COX16: variants seen among roughly 807,000 people sequenced by gnomAD.
COX16 encodes cytochrome c oxidase assembly factor COX16.
In COX16, 12 loss-of-function variants were observed where a neutral mutation model predicts 15.4. The ratio of observed to expected loss-of-function variants is 0.78; its 90% CI spans 0.50 to 1.26. COX16 has a LOEUF of 1.26. Among genes scored for constraint, COX16 ranks in the 50% most tolerant of loss-of-function variants. COX16 has a pLI of 0.00. For synonymous variants in COX16, 46 were observed against 41.1 expected (o/e 1.12, Z -0.46); for missense variants, 124 against 127.6 (o/e 0.97, Z 0.14).
At chr14:70,341,903 G>A (rs746133199) in intron 2 of COX16, among the ~76,000 whole-genome samples, 2 of 152,038 alleles carry the variant, frequency 1.3e-5, no homozygotes, top group Admixed American at 6.6e-5. Flanking sequence ...CTACTACAAA[G>A]TAGATACTAT....
intron 1 of COX16, among the ~76,000 whole-genome samples, chr14:70,349,910 T>C (rs544381116): frequency 3.9e-5 from 6 of 152,222 alleles, no homozygotes; most frequent in African/African-American, 1.2e-4. Flanking sequence ...CACAGATGTG[T>C]TTCCAGACAA....
intron 3 of COX16, 117 bp downstream of exon 3, chr14:70,329,057 G>T: frequency 2.8e-6 from 2 of 702,612 alleles, no homozygotes; most frequent in African/African-American, 2.1e-5. Flanking sequence ...AATGATTATA[G>T]TTTATCAAAT....
chr14:70,331,910 C>T (rs1349712629), intron 2 of COX16, among the ~76,000 whole-genome samples: 1 of 152,184 alleles, frequency 6.6e-6, no homozygotes, highest in Non-Finnish European at 1.5e-5. Flanking sequence ...AAAAGTCTTG[C>T]TGCAGGAACC....
intron 2 of COX16, among the ~76,000 whole-genome samples, chr14:70,332,904 C>A (rs1463882922): frequency 6.6e-6 from 1 of 152,230 alleles, no homozygotes; most frequent in Admixed American, 6.5e-5. Flanking sequence ...AGCATTCCCA[C>A]ACAGCCCCAG....
intron 1 of COX16, among the ~76,000 whole-genome samples, chr14:70,348,692 G>C (rs1886854749): frequency 6.6e-6 from 1 of 152,072 alleles, no homozygotes; most frequent in Non-Finnish European, 1.5e-5. Context: ...CATATATTCA[G>C]ATTCTCATTA....
chr14:70,327,302 T>G (rs1307989768), intron 3 of COX16, among the ~76,000 whole-genome samples: 1 of 151,964 alleles, frequency 6.6e-6, no homozygotes, highest in African/African-American at 2.4e-5. Context: ...CACCTGGGCA[T>G]TAACTCTCTC....
chr14:70,337,598 A>G (rs1566599861), intron 2 of COX16, among the ~76,000 whole-genome samples: 1 of 152,122 alleles, frequency 6.6e-6, no homozygotes, highest in Non-Finnish European at 1.5e-5. Flanking sequence ...ATAGAATCAT[A>G]TAACTGAAAA....
At chr14:70,350,106 C>A (rs935888078) in intron 1 of COX16, among the ~76,000 whole-genome samples, 2 of 152,148 alleles carry the variant, frequency 1.3e-5, no homozygotes, top group African/African-American at 4.8e-5. Context: ...GTAAGATTCT[C>A]CCCGGGGCCT....
intron 2 of COX16, among the ~76,000 whole-genome samples, chr14:70,335,537 G>A (rs1172103067): frequency 6.7e-6 from 1 of 149,954 alleles, no homozygotes; most frequent in Non-Finnish European, 1.5e-5. Flanking sequence ...TCAATAACAA[G>A]AGGAGCTTTG....
Position 70,326,310 on chromosome 14 carries a change from A to G in COX16, c.*23T>C. ...TAATATTTTTATTTAAAAAAAAAAAAAAGGAAAAAAGAATCAGCAGAGTCA... is the reference window on the plus strand; with the variant it reads ...TAATATTTTTATTTAAAAAAAAAAAGAAGGAAAAAAGAATCAGCAGAGTCA... On this transcript the variant is annotated 3_prime_UTR_variant, in exon 4 of 4. Transcript: ENST00000389912. 6.9e-7 allele frequency: 1 copy of G among 1,451,030 alleles called. No homozygotes were observed. Among genetic ancestry groups the G allele is most frequent in the Non-Finnish European group, 9.1e-7 (1 of 1,101,840 alleles). The allele number at this position is 1,451,030 out of a possible 1,614,324, so 89.9% of individuals were successfully genotyped here.
chr14:70,326,627 T>G (rs1365612902), intron 3 of COX16, among the ~76,000 whole-genome samples, 178 bp from the exon 4 acceptor site: 1 of 151,980 alleles, frequency 6.6e-6, no homozygotes, highest in Non-Finnish European at 1.5e-5. Context: ...GATTTAGAAC[T>G]TTTCATTTGT....
At chr14:70,348,981 C>T (rs747256432) in intron 1 of COX16, among the ~76,000 whole-genome samples, 6 of 152,162 alleles carry the variant, frequency 3.9e-5, no homozygotes, top group Non-Finnish European at 7.4e-5. Context: ...CCTCTTTACT[C>T]CTCAGAAGAA....
intron 1 of COX16, among the ~76,000 whole-genome samples, chr14:70,348,413 C>A (rs1389982824): frequency 6.6e-6 from 1 of 152,178 alleles, no homozygotes; most frequent in Non-Finnish European, 1.5e-5. Flanking sequence ...CGCCCAATAC[C>A]CTACACACTT....
intron 3 of COX16, among the ~76,000 whole-genome samples, chr14:70,328,735 AAATT>A (rs1380105283): frequency 6.6e-6 from 1 of 152,222 alleles, no homozygotes; most frequent in Non-Finnish European, 1.5e-5. Flanking sequence ...ATATTTAAGT[AAATT>A]AATGTGCCAT....
intron 1 of COX16, among the ~76,000 whole-genome samples, chr14:70,346,728 C>A (rs1427444080): frequency 1.3e-5 from 2 of 152,004 alleles, no homozygotes; most frequent in African/African-American, 4.8e-5. Context: ...CCTAATTTTT[C>A]AGGACACACC....
chr14:70,329,065 A>G, intron 3 of COX16, 109 bp downstream of exon 3: 1 of 945,372 alleles, frequency 1.1e-6, no homozygotes, highest in Non-Finnish European at 1.5e-6. Flanking sequence ...TAGTTTATCA[A>G]ATACCATATA....
At chr14:70,358,959 A>G (rs1887213382) in intron 1 of COX16, among the ~76,000 whole-genome samples, 2 of 152,216 alleles carry the variant, frequency 1.3e-5, no homozygotes, top group Non-Finnish European at 2.9e-5. Flanking sequence ...ACAATGTGGC[A>G]GGCACCGTAC....
chr14:70,345,602 G>A (rs1166307218), intron 1 of COX16, among the ~76,000 whole-genome samples: 2 of 151,996 alleles, frequency 1.3e-5, no homozygotes, highest in Non-Finnish European at 2.9e-5. Context: ...TTAAATAATG[G>A]GTCCAAATGG....
At chr14:70,332,440 C>T (rs1159840108) in intron 2 of COX16, among the ~76,000 whole-genome samples, 1 of 152,052 alleles carries the variant, frequency 6.6e-6, no homozygotes, top group African/African-American at 2.4e-5. Context: ...ACAAGTGCCC[C>T]ACTTGAGCCA....
Sources: gnomAD v4.1 joint callset for allele counts (sites outside exome capture counted in the v4.1 genomes callset) on GRCh38, gnomAD v4.1.1 for gene constraint, MANE v1.5 for transcripts, NCBI Gene and HGNC (gene_info 2026-07-23, HGNC 2026-07-21) for gene names.